IL3RA: variants seen among roughly 807,000 people sequenced by gnomAD.
IL3RA encodes interleukin 3 receptor subunit alpha, also known as interleukin-3 receptor subunit alpha.
A neutral mutation model predicts 52.3 loss-of-function variants in IL3RA; 73 were observed. That is an observed-to-expected ratio of 1.40 (90% confidence interval 1.16 to 1.70). IL3RA has a LOEUF of 1.70. Among genes scored for constraint, IL3RA ranks in the 40% most tolerant of loss-of-function variants. The pLI is 0.00. For missense variants in IL3RA, 664 were observed against 504.4 expected (o/e 1.32, Z -3.03); for synonymous variants, 260 against 194.0 (o/e 1.34, Z -2.83).
At chrX:1,344,126 C>G (rs1238709882) in intron 2 of IL3RA, among the ~76,000 whole-genome samples, 4 of 152,140 alleles carry the variant, frequency 2.6e-5, no homozygotes, top group Admixed American at 2.0e-4. Flanking sequence ...ACAGAAGTCT[C>G]CTGTGTACAT....
intron 1 of IL3RA, 53 bp from the exon 2 acceptor site, chrX:1,341,675 G>C (rs3202253): frequency 1.4e-6 from 2 of 1,458,406 alleles, no homozygotes; most frequent in African/African-American, 1.4e-5. Context: ...TTCATTACCC[G>C]CAACCCAGTT....
Position 1,352,497 on chromosome X carries a change from TCA to T in IL3RA, c.610_611del (p.Gln204AspfsTer2). 6.2e-7 allele frequency: 1 copy of T among 1,613,400 alleles called. No homozygotes were observed. The highest frequency in any genetic ancestry group is 8.5e-7 in the Non-Finnish European group (1 of 1,179,774). ...IPCTDKFVVF[S>X]QIEILTPPNM... ...CTGCACAGATAAGTTTGTCGTCTTT[TCA>T]CAGATTGGTGAGTAGCCCGGGACAC... On this transcript the variant is annotated frameshift_variant, in exon 6 of 12. Transcript: ENST00000331035. LOFTEE classifies it high-confidence loss of function.
At chrX:1,347,906 G>T (rs17884223) in intron 3 of IL3RA, among the ~76,000 whole-genome samples, 2 of 150,302 alleles carry the variant, frequency 1.3e-5, no homozygotes, top group African/African-American at 2.4e-5. Context: ...GCGTGGTGGC[G>T]GGCGCCTGTA....
intron 4 of IL3RA, among the ~76,000 whole-genome samples, chrX:1,351,560 C>T (rs1485921981): frequency 2.0e-5 from 3 of 151,354 alleles, no homozygotes; most frequent in Non-Finnish European, 4.4e-5. Context: ...AACTCCGGAC[C>T]TCAGGTGATC....
At chrX:1,363,286 T>C (rs1346271631) in intron 8 of IL3RA, among the ~76,000 whole-genome samples, 14 of 149,700 alleles carry the variant, frequency 9.4e-5, no homozygotes, top group Admixed American at 6.7e-4. Flanking sequence ...CCATCAAATA[T>C]GAATGGTCTT....
At chrX:1,379,462 G>C (rs1292177302) in intron 10 of IL3RA, among the ~76,000 whole-genome samples, 2 of 152,126 alleles carry the variant, frequency 1.3e-5, no homozygotes, top group African/African-American at 4.8e-5. Flanking sequence ...GGCCCCTTGA[G>C]AATTATTCAC....
chrX:1,349,739 C>T (rs1277423275), intron 4 of IL3RA, among the ~76,000 whole-genome samples: 2 of 151,164 alleles, frequency 1.3e-5, no homozygotes, highest in African/African-American at 2.4e-5. Flanking sequence ...TTCAGCTTAC[C>T]GCAAACTCCG....
intron 2 of IL3RA, among the ~76,000 whole-genome samples, 182 bp from the exon 3 acceptor site, chrX:1,345,134 G>C (rs181249641): frequency 1.3e-4 from 20 of 150,184 alleles, no homozygotes; most frequent in Admixed American, 2.0e-4. Flanking sequence ...TGCCACTGTA[G>C]TCCAGCCAGG....
intron 4 of IL3RA, among the ~76,000 whole-genome samples, chrX:1,349,550 G>T (rs1317524941): frequency 6.6e-6 from 1 of 152,128 alleles, no homozygotes; most frequent in African/African-American, 2.4e-5. Context: ...AGGCTCAAGT[G>T]ATCCTCCCGC....
chrX:1,343,118 T>C lies in IL3RA; in HGVS notation c.64+1289T>C, dbSNP rs185996199. On this transcript the variant is annotated intron_variant, in intron 2 of 11. Transcript: ENST00000331035. Reference sequence around the variant, plus strand: ...AATGAATTTCTTATAAGAATTTTTTTCCCCAGACAGTTTGTTTTAAGGGAT... The same window carrying C: ...AATGAATTTCTTATAAGAATTTTTTCCCCCAGACAGTTTGTTTTAAGGGAT... Among the ~76,000 whole-genome samples, 127 of 151,986 alleles carry C rather than the reference T, an allele frequency of 8.4e-4. 2 individuals carry two copies. The East Asian group carries it at 0.024, about 29-fold the overall frequency.
intron 6 of IL3RA, among the ~76,000 whole-genome samples, chrX:1,352,861 G>A (rs17880161): frequency 0.052 from 7,815 of 149,014 alleles, 388 homozygotes; most frequent in Middle Eastern, 0.13. Context: ...TCCATCATGG[G>A]TCCCATCATG....
In IL3RA at chrX:1,345,313, T is replaced by C; in HGVS notation, c.65-3T>C. ...TTCGAACTCCAACCTGTCACCGTTT[T>C]AGATCCAAACCCACCAATCACGAAC... On this transcript the variant is annotated splice_region_variant and splice_polypyrimidine_tract_variant and intron_variant, in intron 2 of 11. Coordinates refer to ENST00000331035, the MANE Select transcript of IL3RA (RefSeq NM_002183.4). 6.2e-7 allele frequency: 1 copy of C among 1,604,596 alleles called. No individual in the cohort carries two copies. Among genetic ancestry groups the C allele is most frequent in the Non-Finnish European group, 8.5e-7 (1 of 1,173,504 alleles).
In IL3RA at chrX:1,358,876, A is replaced by G. The variant is rs141808856; in HGVS notation, c.748A>G (p.Ile250Val). The change falls in exon 8 of 12, where the codon ATC (isoleucine) becomes GTC (valine). Residue 250 changes from isoleucine to valine, a missense_variant. Coordinates refer to ENST00000331035, the MANE Select transcript of IL3RA (RefSeq NM_002183.4). ...LQIQKRMQPV[I>V]TEQVRDRTSF... ...TGTGTTGCAGAGAATGCAGCCTGTA[A>G]TCACAGAACAGGTGAGTGTTCCCTA... 10 of 1,613,374 alleles carry G rather than the reference A, an allele frequency of 6.2e-6. No individual in the cohort carries two copies. The African/African-American group carries it at 1.2e-4, about 19-fold the overall frequency.
intron 3 of IL3RA, among the ~76,000 whole-genome samples, chrX:1,345,857 C>T (rs1185234844): frequency 6.6e-6 from 1 of 151,972 alleles, no homozygotes; most frequent in East Asian, 1.9e-4. Context: ...CAATACTGCT[C>T]CCATCGCTGG....
At position 1,378,688 on chromosome X, in the gene IL3RA, C is replaced by G. The variant is rs748350063; in HGVS notation, c.904C>G (p.Arg302Gly). 2 of 1,612,722 alleles carry G rather than the reference C, an allele frequency of 1.2e-6. No individual in the cohort carries two copies. The highest frequency in any genetic ancestry group is 1.7e-6 in the Non-Finnish European group (2 of 1,179,844). Residue 302 changes from arginine (R) to glycine (G), a missense_variant, in exon 10 of 12, where the codon CGT becomes GGT. By Grantham distance (125) the Arg-to-Gly change is moderately radical (BLOSUM62 -2). Coordinates refer to ENST00000331035, the MANE Select transcript of IL3RA (RefSeq NM_002183.4). ...ECDQEEGANT[R>G]AWRTSLLIAL... ...CGACCAGGAGGAGGGCGCAAACACACGTGCCTGGCGGACGTCGCTGCTGAT... is the reference window on the plus strand; with the variant it reads ...CGACCAGGAGGAGGGCGCAAACACAGGTGCCTGGCGGACGTCGCTGCTGAT...
chrX:1,341,595 C>T (rs1169363412), intron 1 of IL3RA, 133 bp from the exon 2 acceptor site: 7 of 679,116 alleles, frequency 1.0e-5, no homozygotes, highest in Non-Finnish European at 7.8e-6. Flanking sequence ...TATGCACACT[C>T]ACCACCGCTT....
chrX:1,360,776 C>T (rs1263906974), intron 8 of IL3RA, among the ~76,000 whole-genome samples: 3 of 151,878 alleles, frequency 2.0e-5, no homozygotes, highest in Non-Finnish European at 4.4e-5. Flanking sequence ...GATCCACCTG[C>T]CTCATCCTCT....
At chrX:1,340,129 T>C (rs1414219115) in intron 1 of IL3RA, among the ~76,000 whole-genome samples, 1 of 142,564 alleles carries the variant, frequency 7.0e-6, no homozygotes, top group Non-Finnish European at 1.6e-5. Flanking sequence ...TTTTTTTTTT[T>C]TTTTGAGACG....
In IL3RA at chrX:1,365,226, G is replaced by C. The variant is rs779665097; in HGVS notation, c.848G>C (p.Ser283Thr). 2 of 1,611,102 alleles carry C rather than the reference G, an allele frequency of 1.2e-6. No individual in the cohort carries two copies. The highest frequency in any genetic ancestry group is 1.7e-6 in the Non-Finnish European group (2 of 1,178,848). Residue 283 changes from serine to threonine, a missense_variant, in exon 9 of 12, where the codon AGC becomes ACC. Physicochemically the swap from Ser to Thr is moderately conservative, Grantham distance 58 (BLOSUM62 1). Coordinates refer to ENST00000331035, the MANE Select transcript of IL3RA (RefSeq NM_002183.4). ...CGGGAAAGAGTGTATGAATTCTTGAGCGCCTGGAGCACCCCCCAGCGCTTC... is the reference window on the plus strand; with the variant it reads ...CGGGAAAGAGTGTATGAATTCTTGACCGCCTGGAGCACCCCCCAGCGCTTC... ...RARERVYEFL[S>T]AWSTPQRFEC...
Sources: gnomAD v4.1 joint callset for allele counts (sites outside exome capture counted in the v4.1 genomes callset) on GRCh38, gnomAD v4.1.1 for gene constraint, MANE v1.5 for transcripts, NCBI Gene and HGNC (gene_info 2026-07-23, HGNC 2026-07-21) for gene names.